The following STIM2 variants were observed in gnomAD, a reference collection of about 807,000 sequenced individuals.
STIM2 encodes the protein stromal interaction molecule 2.
STIM2 carries 31 observed loss-of-function variants against 85.8 expected under a neutral mutation model. That is an observed-to-expected ratio of 0.36 (90% CI 0.27 to 0.49). The LOEUF (loss-of-function observed/expected upper bound fraction) is 0.49, where lower values mean the gene tolerates loss of function less well. Among genes scored for constraint, STIM2 ranks in the 20% least tolerant of loss-of-function variants. The probability of loss-of-function intolerance (pLI) is 0.98; values close to 1 mark genes in which losing one functional copy is unlikely to be tolerated. For synonymous variants in STIM2, 356 were observed against 331.1 expected (o/e 1.08, Z -0.82); for missense variants, 841 against 927.6 (o/e 0.91, Z 1.21).
At chr4:26,918,640 C>T (rs1011355675) in intron 1 of STIM2, among the ~76,000 whole-genome samples, 3 of 152,068 alleles carry the variant, frequency 2.0e-5, no homozygotes, top group East Asian at 1.9e-4. Context: ...TTTGTCAGTC[C>T]GCCAGTCAGC....
At chr4:26,967,500 T>A (rs1041726742) in intron 3 of STIM2, among the ~76,000 whole-genome samples, 1 of 152,142 alleles carries the variant, frequency 6.6e-6, no homozygotes. Flanking sequence ...GACGGTAATA[T>A]AGTAGGGCGC....
intron 11 of STIM2, among the ~76,000 whole-genome samples, chr4:27,020,827 A>C (rs1332187674): frequency 6.6e-6 from 1 of 152,204 alleles, no homozygotes; most frequent in Non-Finnish European, 1.5e-5. Flanking sequence ...AGCTGCCAAG[A>C]CAAGTGAGAC....
intron 2 of STIM2, among the ~76,000 whole-genome samples, chr4:26,956,851 G>A (rs535546569): frequency 2.6e-5 from 4 of 152,162 alleles, no homozygotes; most frequent in East Asian, 3.9e-4. Flanking sequence ...ATTTCAGCTC[G>A]ATATTCATTA....
chr4:26,877,763 T>TG (rs1722865088), intron 1 of STIM2, among the ~76,000 whole-genome samples: 1 of 152,130 alleles, frequency 6.6e-6, no homozygotes, highest in Non-Finnish European at 1.5e-5. Context: ...TGTTCCTACT[T>TG]GCTATGGTTT....
In STIM2 at chr4:26,896,544, T is replaced by A. The variant is rs563823511; in HGVS notation, c.152-22960T>A. ...TTGACTCTTCTTGCCTGAATTTTTT[T>A]AAAAAACGCTTTTATTTTGAACTAA... is the stretch of plus-strand genomic sequence containing the variant. On this transcript the variant is annotated intron_variant, in intron 1 of 11. Coordinates refer to ENST00000467087, the MANE Select transcript of STIM2 (RefSeq NM_020860.4). Among the ~76,000 whole-genome samples, 447 of 152,316 alleles carry A rather than the reference T, an allele frequency of 2.9e-3. 2 individuals are homozygous for A. Among genetic ancestry groups the A allele is most frequent in the African/African-American group, 0.01 (419 of 41,554 alleles).
At chr4:26,934,471 T>C (rs1480832861) in intron 2 of STIM2, among the ~76,000 whole-genome samples, 1 of 152,234 alleles carries the variant, frequency 6.6e-6, no homozygotes, top group Non-Finnish European at 1.5e-5. Flanking sequence ...AATGTTAATA[T>C]TTGTTCTTCT....
chr4:26,958,694 C>A (rs1261021774), intron 3 of STIM2, among the ~76,000 whole-genome samples: 5 of 151,808 alleles, frequency 3.3e-5, no homozygotes, highest in East Asian at 1.9e-4. Flanking sequence ...TTTAAAAAAA[C>A]CTCTCCATTT....
chr4:26,994,570 C>A (rs1286812046), intron 3 of STIM2, among the ~76,000 whole-genome samples: 3 of 152,066 alleles, frequency 2.0e-5, no homozygotes, highest in Admixed American at 1.3e-4. Flanking sequence ...CATGAACAAT[C>A]TATTCTCCAC....
intron 1 of STIM2, among the ~76,000 whole-genome samples, chr4:26,862,346 T>G (rs1412390351): frequency 1.3e-5 from 2 of 151,620 alleles, no homozygotes; most frequent in Non-Finnish European, 2.9e-5. Context: ...AGTATTTCAC[T>G]TATTTTTAAA....
chr4:26,958,401 T>G (rs1016161934), intron 3 of STIM2, among the ~76,000 whole-genome samples: 1 of 152,170 alleles, frequency 6.6e-6, no homozygotes, highest in Non-Finnish European at 1.5e-5. Flanking sequence ...TTCATAAAAG[T>G]CAGCAATTAT....
chr4:26,932,674 T>G (rs1560211406), intron 2 of STIM2, among the ~76,000 whole-genome samples: 1 of 152,234 alleles, frequency 6.6e-6, no homozygotes, highest in African/African-American at 2.4e-5. Context: ...TGGAATGGCC[T>G]GGGCCTGTAA....
At chr4:26,966,544 A>G (rs1726729145) in intron 3 of STIM2, among the ~76,000 whole-genome samples, 1 of 152,080 alleles carries the variant, frequency 6.6e-6, no homozygotes, top group Non-Finnish European at 1.5e-5. Flanking sequence ...ATTTAACTGA[A>G]TGTTACTTAG....
intron 3 of STIM2, among the ~76,000 whole-genome samples, chr4:26,989,861 C>T (rs1191486467): frequency 1.3e-5 from 2 of 151,998 alleles, no homozygotes; most frequent in African/African-American, 4.8e-5. Context: ...ATCTTCTTTA[C>T]AATAGGTACC....
At chr4:26,939,201 A>G (rs922986252) in intron 2 of STIM2, among the ~76,000 whole-genome samples, 10 of 152,048 alleles carry the variant, frequency 6.6e-5, no homozygotes, top group Admixed American at 2.0e-4. Context: ...TGTGCTTCCT[A>G]TCATCTAAAC....
At chr4:26,881,181 G>A (rs956555432) in intron 1 of STIM2, among the ~76,000 whole-genome samples, 8 of 152,096 alleles carry the variant, frequency 5.3e-5, no homozygotes, top group African/African-American at 1.4e-4. Context: ...GAGGCCAGAC[G>A]GGGGCTGGGC....
chr4:27,011,726 T>C (rs936835071), intron 10 of STIM2, among the ~76,000 whole-genome samples: 30 of 152,306 alleles, frequency 2.0e-4, no homozygotes, highest in Admixed American at 2.0e-3. Context: ...TACCATTTCC[T>C]TTATTGGCAT....
intron 1 of STIM2, among the ~76,000 whole-genome samples, chr4:26,890,728 G>A (rs1461654252): frequency 6.6e-6 from 1 of 150,980 alleles, no homozygotes; most frequent in East Asian, 2.0e-4. Flanking sequence ...GGAGGCTGAG[G>A]CAGGAGAATG....
intron 3 of STIM2, among the ~76,000 whole-genome samples, chr4:26,960,265 C>A (rs946192777): frequency 6.6e-6 from 1 of 152,034 alleles, no homozygotes; most frequent in African/African-American, 2.4e-5. Context: ...AGAATGTACC[C>A]CTAACAATAA....
At chr4:26,996,216 A>G (rs1727954960) in intron 4 of STIM2, among the ~76,000 whole-genome samples, 1 of 152,062 alleles carries the variant, frequency 6.6e-6, no homozygotes, top group Non-Finnish European at 1.5e-5. Flanking sequence ...TATCATTTGC[A>G]AGTACCAAAT....
Sources: gnomAD v4.1 joint callset for allele counts (sites outside exome capture counted in the v4.1 genomes callset) on GRCh38, gnomAD v4.1.1 for gene constraint, MANE v1.5 for transcripts, NCBI Gene and HGNC (gene_info 2026-07-23, HGNC 2026-07-21) for gene names.